The following MRAS variants were observed in gnomAD, a reference collection of about 807,000 sequenced individuals.
MRAS encodes the protein muscle RAS oncogene homolog, also known as ras-related protein M-Ras.
A neutral mutation model predicts 20.9 loss-of-function variants in MRAS; 4 were observed. The observed-to-expected ratio is 0.19, with a 90% CI of 0.09 to 0.44. MRAS has a LOEUF of 0.44. MRAS is among the 20% of genes least tolerant of loss of function. MRAS has a pLI of 0.99. For missense variants in MRAS, 154 were observed against 277.5 expected, an observed-to-expected ratio of 0.56 and a Z score of 3.16; for synonymous variants, 98 against 102.9, an observed-to-expected ratio of 0.95 and a Z score of 0.29.
intron 1 of MRAS, among the ~76,000 whole-genome samples, chr3:138,370,895 T>TA (rs1489776193): frequency 1.3e-5 from 2 of 152,100 alleles, no homozygotes; most frequent in Non-Finnish European, 2.9e-5. Context: ...CAGGTGTACT[T>TA]ACTAGCTGTT....
chr3:138,371,669 G>T (rs1381011656), intron 1 of MRAS, among the ~76,000 whole-genome samples: 1 of 152,194 alleles, frequency 6.6e-6, no homozygotes, highest in Non-Finnish European at 1.5e-5. Context: ...ACCCAGGAAT[G>T]CCCTACCAGG....
intron 2 of MRAS, among the ~76,000 whole-genome samples, chr3:138,393,938 G>A (rs760028208): frequency 1.3e-5 from 2 of 152,104 alleles, no homozygotes; most frequent in Non-Finnish European, 2.9e-5. Flanking sequence ...TGATCCACCT[G>A]CCTTGGCCTT....
intron 1 of MRAS, among the ~76,000 whole-genome samples, chr3:138,360,053 G>T (rs2054413160): frequency 6.6e-6 from 1 of 152,168 alleles, no homozygotes; most frequent in Non-Finnish European, 1.5e-5. Flanking sequence ...GCTGGTGCGG[G>T]GTGTCAGTAA....
intron 1 of MRAS, among the ~76,000 whole-genome samples, chr3:138,361,920 T>C (rs1315266383): frequency 6.6e-6 from 1 of 152,108 alleles, no homozygotes; most frequent in Non-Finnish European, 1.5e-5. Context: ...GATTGAAAAA[T>C]AAAACCACTT....
At chr3:138,394,066 T>C (rs923087918) in intron 2 of MRAS, among the ~76,000 whole-genome samples, 1 of 151,860 alleles carries the variant, frequency 6.6e-6, no homozygotes, top group Admixed American at 6.6e-5. Flanking sequence ...GTTTTATTAA[T>C]TGCAGTTCTG....
chr3:138,352,393 A>G (rs1448792743), intron 1 of MRAS, among the ~76,000 whole-genome samples: 1 of 152,198 alleles, frequency 6.6e-6, no homozygotes, highest in Non-Finnish European at 1.5e-5. Context: ...TTCTGCAGGC[A>G]TTCCTCTTGT....
chr3:138,398,993 G>A (rs1458487321), intron 4 of MRAS, among the ~76,000 whole-genome samples: 3 of 152,204 alleles, frequency 2.0e-5, no homozygotes, highest in East Asian at 1.9e-4. Flanking sequence ...AGGGATGCAC[G>A]TTGTCCTGAC....
intron 2 of MRAS, among the ~76,000 whole-genome samples, chr3:138,376,540 T>TG (rs2054786656): frequency 1.3e-5 from 2 of 152,216 alleles, no homozygotes; most frequent in South Asian, 4.1e-4. Flanking sequence ...GAATAAACCT[T>TG]GAACAATATA....
chr3:138,365,134 C>T (rs1261010509), intron 1 of MRAS, among the ~76,000 whole-genome samples: 1 of 152,218 alleles, frequency 6.6e-6, no homozygotes, highest in Non-Finnish European at 1.5e-5. Flanking sequence ...GTCTCAGTTT[C>T]TTCAACTGTA....
chr3:138,352,877 C>T (rs1459801865), intron 1 of MRAS, among the ~76,000 whole-genome samples: 1 of 151,974 alleles, frequency 6.6e-6, no homozygotes, highest in Non-Finnish European at 1.5e-5. Context: ...CTGCCTGGGC[C>T]CAGGCTGCAT....
intron 1 of MRAS, chr3:138,349,634 T>G (rs1328794855): frequency 6.5e-6 from 1 of 152,808 alleles, no homozygotes; most frequent in Non-Finnish European, 1.5e-5. Context: ...TTGCCCCTAC[T>G]CCCCAATGGC....
intron 1 of MRAS, among the ~76,000 whole-genome samples, chr3:138,367,107 T>C (rs1211292353): frequency 6.6e-6 from 1 of 152,162 alleles, no homozygotes; most frequent in Non-Finnish European, 1.5e-5. Context: ...CCTGCTGCTG[T>C]CCTATGCAGT....
At chr3:138,356,248 A>G (rs2054331729) in intron 1 of MRAS, among the ~76,000 whole-genome samples, 1 of 152,222 alleles carries the variant, frequency 6.6e-6, no homozygotes. Flanking sequence ...GATTAAATGT[A>G]AAAGTATTTG....
rs186295274 is a variant in MRAS, at chr3:138,395,536, G to C, written c.194-1788G>C. Among the ~76,000 whole-genome samples the C allele has an allele frequency of 9.4e-3, 1,429 of 152,150 alleles. 25 individuals are homozygous for C. The highest frequency in any genetic ancestry group is 0.033 in the African/African-American group (1,370 of 41,488). On this transcript the variant is annotated intron_variant, in intron 2 of 5. Transcript: ENST00000423968. The stretch of plus-strand genomic sequence containing the variant: ...TTGTTGTGTTCCCTCTGCCTGGAGT[G>C]CTCTTCCGCTAGGCCACGTGGCTCC...
chr3:138,381,221 A>G (rs1053118936), intron 2 of MRAS, among the ~76,000 whole-genome samples: 9 of 152,292 alleles, frequency 5.9e-5, no homozygotes, highest in Non-Finnish European at 1.0e-4. Flanking sequence ...TAAATATCTG[A>G]GTCCCTGCTT....
At chr3:138,377,124 G>T (rs2054799110) in intron 2 of MRAS, among the ~76,000 whole-genome samples, 1 of 152,212 alleles carries the variant, frequency 6.6e-6, no homozygotes, top group Non-Finnish European at 1.5e-5. Flanking sequence ...GTGTGCATTT[G>T]CAAAGCCTGT....
At chr3:138,353,927 G>A (rs77137226) in intron 1 of MRAS, among the ~76,000 whole-genome samples, 6,243 of 152,358 alleles carry the variant, frequency 0.041, 146 homozygotes, top group Middle Eastern at 0.088. Flanking sequence ...TTCCTGAAGT[G>A]CATGCTCCTT....
intron 5 of MRAS, among the ~76,000 whole-genome samples, chr3:138,401,658 G>T (rs1368920365): frequency 1.3e-5 from 2 of 152,170 alleles, no homozygotes; most frequent in Non-Finnish European, 2.9e-5. Flanking sequence ...TTGCTCTTGG[G>T]CATTTTGCCT....
chr3:138,400,829 T>C lies in MRAS; in HGVS notation c.527+216T>C, dbSNP rs976199052. Among the ~76,000 whole-genome samples, 8 of 152,332 alleles carry C rather than the reference T, an allele frequency of 5.3e-5. No individual in the cohort carries two copies. In the South Asian group the frequency reaches 1.7e-3, roughly 32 times the overall value. The stretch of plus-strand genomic sequence containing the variant: ...CAGCTGCTAACGGGTTTGTGGGTGA[T>C]GTCTGCTGCACATGTTAAGTGGAAA... On this transcript the variant is annotated intron_variant, in intron 5 of 5. Coordinates refer to ENST00000423968, the MANE Select transcript of MRAS (RefSeq NM_001085049.3).
Sources: allele counts gnomAD v4.1 joint callset (sites outside exome capture counted in the v4.1 genomes callset), GRCh38; gene constraint gnomAD v4.1.1; transcripts MANE v1.5; gene names NCBI Gene and HGNC (gene_info 2026-07-23, HGNC 2026-07-21).